The following EBF1 variants were observed in gnomAD, a reference collection of about 807,000 sequenced individuals.
EBF1 encodes the protein EBF transcription factor 1.
In EBF1, 10 loss-of-function variants were observed where a neutral mutation model predicts 68.4. The observed-to-expected ratio is 0.15, with a 90% confidence interval of 0.09 to 0.25. The LOEUF (loss-of-function observed/expected upper bound fraction) is 0.25, where lower values mean the gene tolerates loss of function less well. Among genes scored for constraint, EBF1 ranks in the 10% least tolerant of loss-of-function variants. The pLI is 1.00. For synonymous variants in EBF1, 298 were observed against 299.8 expected, an observed-to-expected ratio of 0.99 and a Z score of 0.06; for missense variants, 509 against 794.4, an observed-to-expected ratio of 0.64 and a Z score of 4.32.
Position 159,014,227 on chromosome 5 carries a change from G to T in EBF1, c.554+59169C>A, listed in dbSNP as rs1583943661. On this transcript the variant is annotated intron_variant, in intron 6 of 15. Transcript: ENST00000313708. ...AATAGATATTAAACTAAAGTTACAT[G>T]GCAGGCAGAAGATTCCAAAGTATTA... 2.0e-5 allele frequency among the ~76,000 whole-genome samples: 3 copies of T among 152,308 alleles called. No individual in the cohort carries two copies. The South Asian group carries it at 6.2e-4, about 32-fold the overall frequency.
intron 6 of EBF1, among the ~76,000 whole-genome samples, chr5:158,874,878 G>C (rs1385459045): frequency 6.6e-6 from 1 of 152,086 alleles, no homozygotes; most frequent in Non-Finnish European, 1.5e-5. Flanking sequence ...CTCTTGTATG[G>C]TGTTATCTTC....
At chr5:158,776,001 T>C (rs1581778866) in intron 10 of EBF1, among the ~76,000 whole-genome samples, 1 of 152,174 alleles carries the variant, frequency 6.6e-6, no homozygotes, top group South Asian at 2.1e-4. Flanking sequence ...TACGCTTCGT[T>C]TGTATACACC....
At chr5:158,854,497 A>C (rs1258016233) in intron 6 of EBF1, among the ~76,000 whole-genome samples, 2 of 152,212 alleles carry the variant, frequency 1.3e-5, no homozygotes, top group South Asian at 4.1e-4. Flanking sequence ...GGCAGTGCAT[A>C]TTTACCAGCA....
chr5:159,009,844 T>C (rs934149221), intron 6 of EBF1, among the ~76,000 whole-genome samples: 53 of 152,168 alleles, frequency 3.5e-4, no homozygotes, highest in African/African-American at 1.3e-3. Flanking sequence ...ACACTTGTTT[T>C]TTCATGCAAA....
intron 6 of EBF1, among the ~76,000 whole-genome samples, chr5:159,030,251 TC>T (rs1391736777): frequency 6.6e-6 from 1 of 152,104 alleles, no homozygotes; most frequent in Admixed American, 6.5e-5. Flanking sequence ...ATGGGGTCTT[TC>T]CTTTTTTATG....
At chr5:159,092,896 GA>G (rs922285765) in intron 4 of EBF1, among the ~76,000 whole-genome samples, 32 of 149,778 alleles carry the variant, frequency 2.1e-4, no homozygotes, top group South Asian at 6.3e-4. Flanking sequence ...AATTTCACAG[GA>G]AAAAAAAATG....
chr5:158,746,609 T>C (rs1031803717), intron 10 of EBF1, among the ~76,000 whole-genome samples: 4 of 152,192 alleles, frequency 2.6e-5, no homozygotes, highest in Admixed American at 2.0e-4. Flanking sequence ...TTTCTCTCTA[T>C]ATTGATGGGT....
At position 158,832,584 on chromosome 5, in the gene EBF1, A is replaced by G. The variant is rs868559693; in HGVS notation, c.636+7445T>C. ...CTATTTGTCAAAACAATATAACAAT[A>G]TAAGTACATCCAAGACAGGGGCTGG... On this transcript the variant is annotated intron_variant, in intron 7 of 15. Transcript: ENST00000313708. 2.0e-5 allele frequency among the ~76,000 whole-genome samples: 3 copies of G among 152,240 alleles called. No individual in the cohort carries two copies. In the South Asian group the frequency reaches 6.2e-4, roughly 32 times the overall value.
At chr5:158,799,136 C>A (rs952009021) in intron 8 of EBF1, among the ~76,000 whole-genome samples, 2 of 152,112 alleles carry the variant, frequency 1.3e-5, no homozygotes. Flanking sequence ...TATTTAGTAA[C>A]TGGAGGTCAA....
intron 5 of EBF1, among the ~76,000 whole-genome samples, chr5:159,075,412 G>A (rs965569323): frequency 1.5e-4 from 23 of 152,160 alleles, no homozygotes; most frequent in Admixed American, 3.3e-4. Context: ...GAAAACTGCC[G>A]GTTGAGAAAA....
intron 6 of EBF1, among the ~76,000 whole-genome samples, chr5:158,853,237 A>T (rs1305822461): frequency 6.6e-6 from 1 of 152,208 alleles, no homozygotes; most frequent in African/African-American, 2.4e-5. Context: ...GCATAAACTC[A>T]TTCCACACTT....
intron 6 of EBF1, among the ~76,000 whole-genome samples, chr5:158,910,058 T>A (rs147419742): frequency 5.7e-4 from 87 of 152,056 alleles, no homozygotes; most frequent in Middle Eastern, 6.8e-3. Flanking sequence ...GATGTATTAT[T>A]TCCTAATTTC....
chr5:158,890,079 C>T (rs540081856), intron 6 of EBF1, among the ~76,000 whole-genome samples: 3 of 152,070 alleles, frequency 2.0e-5, no homozygotes, highest in Non-Finnish European at 4.4e-5. Flanking sequence ...CCCACAGATA[C>T]GGAAGGACAA....
At chr5:158,908,366 CTT>C (rs1805131495) in intron 6 of EBF1, among the ~76,000 whole-genome samples, 1 of 152,190 alleles carries the variant, frequency 6.6e-6, no homozygotes, top group Non-Finnish European at 1.5e-5. Context: ...GATAAATTAA[CTT>C]AACATGATAT....
intron 6 of EBF1, 29 bp downstream of exon 6, chr5:159,073,367 G>A (rs763492492): frequency 6.2e-7 from 1 of 1,609,288 alleles, no homozygotes; most frequent in Non-Finnish European, 8.5e-7. Flanking sequence ...TGAGGAATAA[G>A]AATCCAGTGA....
intron 10 of EBF1, among the ~76,000 whole-genome samples, chr5:158,743,935 CT>C (rs1766985452): frequency 6.6e-6 from 1 of 152,052 alleles, no homozygotes; most frequent in East Asian, 1.9e-4. Flanking sequence ...CTTTGGGAGG[CT>C]AAGGTGGGTG....
At chr5:158,700,566 G>T (rs1252849458) in intron 15 of EBF1, among the ~76,000 whole-genome samples, 2 of 150,408 alleles carry the variant, frequency 1.3e-5, no homozygotes, top group African/African-American at 4.9e-5. Flanking sequence ...GTGGACACAG[G>T]GAGGCCACCC....
At chr5:158,801,559 T>G (rs1212449426) in intron 8 of EBF1, among the ~76,000 whole-genome samples, 4 of 151,936 alleles carry the variant, frequency 2.6e-5, no homozygotes, top group Admixed American at 2.6e-4. Flanking sequence ...GGTGTTGAAC[T>G]TTGGCTCAGG....
intron 6 of EBF1, among the ~76,000 whole-genome samples, chr5:158,919,107 C>T (rs986863051): frequency 6.6e-6 from 1 of 152,212 alleles, no homozygotes; most frequent in Non-Finnish European, 1.5e-5. Context: ...CTGTTTAGCA[C>T]TTGTTGGGCC....
Sources: allele counts gnomAD v4.1 joint callset (sites outside exome capture counted in the v4.1 genomes callset), GRCh38; gene constraint gnomAD v4.1.1; transcripts MANE v1.5; gene names NCBI Gene and HGNC (gene_info 2026-07-23, HGNC 2026-07-21).